Variants in PDLIM3 observed in about 807,000 individuals in gnomAD.
The protein encoded by PDLIM3 is PDZ and LIM domain 3, also known as PDZ and LIM domain protein 3.
PDLIM3 carries 36 observed loss-of-function variants against 37.3 expected under a neutral mutation model. That is an observed-to-expected ratio of 0.97 (90% confidence interval 0.74 to 1.28). The LOEUF (loss-of-function observed/expected upper bound fraction) is 1.28, where lower values mean the gene tolerates loss of function less well. PDLIM3 is among the 50% of genes most tolerant of loss of function. The pLI, the probability that PDLIM3 is intolerant of heterozygous loss-of-function variation, is 0.00. For synonymous variants in PDLIM3, 174 were observed against 182.4 expected (o/e 0.95, Z 0.37); for missense variants, 454 against 485.0 (o/e 0.94, Z 0.60).
At chr4:185,528,513 G>A (rs1580265801) in intron 1 of PDLIM3, among the ~76,000 whole-genome samples, 1 of 152,166 alleles carries the variant, frequency 6.6e-6, no homozygotes, top group Non-Finnish European at 1.5e-5. Flanking sequence ...CTTCTCACAC[G>A]TTTGACCATT....
In PDLIM3 at chr4:185,504,413, G is replaced by T; in HGVS notation, c.905+62C>A. ...TGCCTTTAGTCTATAAAGTCTTAAA[G>T]GAGAAGAAATGAACTGTCGCCAAGC... On this transcript the variant is annotated intron_variant, in intron 7 of 7. Coordinates refer to ENST00000284767, the MANE Select transcript of PDLIM3 (RefSeq NM_014476.6). The surrounding 1 kb of genome is among the most constrained non-coding windows in gnomAD (Gnocchi z 4.7). 1.5e-6 allele frequency: 2 copies of T among 1,367,516 alleles called. No homozygotes were observed. The highest frequency in any genetic ancestry group is 2.3e-5 in the East Asian group (1 of 42,910). The allele number at this position is 1,367,516 out of a possible 1,614,324, so 84.7% of individuals were successfully genotyped here.
chr4:185,502,257 G>A lies in PDLIM3; in HGVS notation c.*37C>T, dbSNP rs371829497. On this transcript the variant is annotated 3_prime_UTR_variant, in exon 8 of 8. Coordinates refer to ENST00000284767, the MANE Select transcript of PDLIM3 (RefSeq NM_014476.6). ...AATGTCTTCTCGTGTAAGTGCGCGT[G>A]GGTGGGTGCGTGCGTGCGTGCCACG... 1.3e-6 allele frequency: 2 copies of A among 1,598,170 alleles called. No individual in the cohort carries two copies. The highest frequency in any genetic ancestry group is 2.7e-5 in the African/African-American group (2 of 74,610).
chr4:185,506,452 T>TTTCATTCCCA lies in PDLIM3; in HGVS notation c.793+69_793+70insTGGGAATGAA, dbSNP rs2095697368. The TTTCATTCCCA allele has an allele frequency of 3.8e-6, 6 of 1,592,760 alleles. No individual in the cohort carries two copies. The African/African-American group carries it at 8.0e-5, about 21-fold the overall frequency. On this transcript the variant is annotated intron_variant, in intron 6 of 7. Transcript: ENST00000284767. ...AGACTTTCATTCCCAGTATGTTTGC[T>TTTCATTCCCA]GTCGTCCCCGTCCCGCCCCCTGCAG...
chr4:185,508,291 C>T lies in PDLIM3; in HGVS notation c.662+8G>A. ...AATATGCCCATGGTTCAAAGAGACT[C>T]ATATTACCTCATCAAAGGTGTTTCC... On this transcript the variant is annotated splice_region_variant and intron_variant, in intron 5 of 7. Coordinates refer to ENST00000284767, the MANE Select transcript of PDLIM3 (RefSeq NM_014476.6). 3 of 1,613,690 alleles carry T rather than the reference C, an allele frequency of 1.9e-6. No individual in the cohort carries two copies. The highest frequency in any genetic ancestry group is 2.5e-6 in the Non-Finnish European group (3 of 1,179,596).
At chr4:185,512,853 C>T in intron 4 of PDLIM3, 1 of 985,224 alleles carries the variant, frequency 1.0e-6, no homozygotes, top group Non-Finnish European at 1.2e-6. Context: ...GGTGGGGAAG[C>T]TGTTGAAAGT....
At position 185,514,390 on chromosome 4, in the gene PDLIM3, A is replaced by T; in HGVS notation, c.331-53T>A. ...CTCAGTGGAAGGCGGACACTGTTGCAGATAAGATTAAACGAACGATAGTTG... is the reference window on the plus strand; with the variant it reads ...CTCAGTGGAAGGCGGACACTGTTGCTGATAAGATTAAACGAACGATAGTTG... On this transcript the variant is annotated intron_variant, in intron 3 of 7. Coordinates refer to ENST00000284767, the MANE Select transcript of PDLIM3 (RefSeq NM_014476.6). The surrounding 1 kb of genome is among the most constrained non-coding windows in gnomAD (Gnocchi z 4.0). The T allele has an allele frequency of 6.2e-7, 1 of 1,614,122 alleles. No homozygotes were observed. The highest frequency in any genetic ancestry group is 1.1e-5 in the South Asian group (1 of 91,064).
intron 1 of PDLIM3, among the ~76,000 whole-genome samples, chr4:185,534,477 A>C (rs1291633723): frequency 6.6e-6 from 1 of 152,248 alleles, no homozygotes; most frequent in Non-Finnish European, 1.5e-5. Context: ...TGTTAGAAAA[A>C]AACCAGCTAG....
chr4:185,511,372 T>A (rs2095706290), intron 4 of PDLIM3, among the ~76,000 whole-genome samples: 2 of 149,886 alleles, frequency 1.3e-5, no homozygotes, highest in South Asian at 4.1e-4. Context: ...TTACTACTTT[T>A]TTTTTTTTTT....
At chr4:185,530,536 G>A (rs1033608923) in intron 1 of PDLIM3, among the ~76,000 whole-genome samples, 9 of 152,160 alleles carry the variant, frequency 5.9e-5, no homozygotes, top group African/African-American at 2.2e-4. Context: ...ACTGGCATCA[G>A]ATATAGACAA....
At chr4:185,503,221 C>CA (rs1426146190) in intron 7 of PDLIM3, among the ~76,000 whole-genome samples, 2 of 105,392 alleles carry the variant, frequency 1.9e-5, no homozygotes, top group African/African-American at 6.1e-5. Flanking sequence ...GAGACTGTCT[C>CA]AAAAACAACA....
chr4:185,508,311 G>A lies in PDLIM3; in HGVS notation c.650C>T (p.Thr217Ile), dbSNP rs2095701134. Residue 217 changes from threonine (T) to isoleucine (I), a missense_variant, in exon 5 of 8, where the codon ACA (threonine) becomes ATA (isoleucine). Thr to Ile is a moderately conservative substitution (Grantham distance 89). Transcript: ENST00000284767. ...QGQVSTALGE[T>I]PLMSEPTASV... ...AGACTCATATTACCTCATCAAAGGTGTTTCCCCTAGGGCTGTTGAAACCTG... is the reference window on the plus strand; with the variant it reads ...AGACTCATATTACCTCATCAAAGGTATTTCCCCTAGGGCTGTTGAAACCTG... The A allele has an allele frequency of 6.2e-6, 10 of 1,614,008 alleles. No individual in the cohort carries two copies. Among genetic ancestry groups the A allele is most frequent in the Non-Finnish European group, 7.6e-6 (9 of 1,179,982 alleles).
rs543892933 is a variant in PDLIM3 at position 185,506,927 on chromosome 4, G to T, written c.663-275C>A. 12 of 388,416 alleles carry T rather than the reference G, an allele frequency of 3.1e-5. No individual in the cohort carries two copies. The East Asian group carries it at 6.1e-4, about 20-fold the overall frequency. 24.1% of individuals were successfully genotyped at this position (388,416 alleles called of 1,614,324 possible). ...AAGGAAACTAAAAGATAATTGTCAG[G>T]AAATAGTAATTAAGAAGAACAAGAC... is the stretch of plus-strand genomic sequence containing the variant. On this transcript the variant is annotated intron_variant, in intron 5 of 7. Coordinates refer to ENST00000284767, the MANE Select transcript of PDLIM3 (RefSeq NM_014476.6).
At chr4:185,512,702 G>T in intron 4 of PDLIM3, 1 of 985,068 alleles carries the variant, frequency 1.0e-6, no homozygotes, top group Non-Finnish European at 1.2e-6. Context: ...GCTTGTGTGG[G>T]TGGACTCAGT....
At position 185,525,138 on chromosome 4, in the gene PDLIM3, G is replaced by T; in HGVS notation, c.127C>A (p.Leu43Met). Residue 43 changes from leucine (L) to methionine (M), a missense_variant, in exon 2 of 8, where the codon CTG becomes ATG. Leu to Met is a conservative substitution (Grantham distance 15, BLOSUM62 2). Coordinates refer to ENST00000284767, the MANE Select transcript of PDLIM3 (RefSeq NM_014476.6). ...GCCAGGATGACATCTCCAGGACACA[G>T]GTTGGCAGCTGCCGCCTTGCTTCCT... Reference protein sequence around the residue: ...TPGSKAAAANLCPGDVILAID... With the variant: ...TPGSKAAAANMCPGDVILAID... 2 of 1,614,204 alleles carry T rather than the reference G, an allele frequency of 1.2e-6. No individual in the cohort carries two copies. Among genetic ancestry groups the T allele is most frequent in the Non-Finnish European group, 1.7e-6 (2 of 1,180,016 alleles).
chr4:185,525,267 T>C, intron 1 of PDLIM3, 96 bp from the exon 2 acceptor site: 1 of 1,207,916 alleles, frequency 8.3e-7, no homozygotes, highest in Non-Finnish European at 1.2e-6. Context: ...ACATTTTAAA[T>C]GTTTAATTGG....
intron 5 of PDLIM3, 88 bp from the exon 6 acceptor site, chr4:185,506,740 A>G (rs550110554): frequency 8.1e-7 from 1 of 1,239,886 alleles, no homozygotes; most frequent in Non-Finnish European, 1.2e-6. Flanking sequence ...CTCAGCCATT[A>G]CTCTATGCAC....
chr4:185,530,989 T>TAC (rs374546592), intron 1 of PDLIM3, among the ~76,000 whole-genome samples: 11 of 21,700 alleles, frequency 5.1e-4, no homozygotes, highest in African/African-American at 2.2e-3. Flanking sequence ...CACACACACA[T>TAC]ACACACACAC....
chr4:185,502,276 T>G lies in PDLIM3; in HGVS notation c.*18A>C. 6.2e-7 allele frequency: 1 copy of G among 1,612,906 alleles called. No homozygotes were observed. The highest frequency in any genetic ancestry group is 8.5e-7 in the Non-Finnish European group (1 of 1,179,084). ...GCGCGTGGGTGGGTGCGTGCGTGCG[T>G]GCCACGCCTGCAGAGACTTAAGCTT... On this transcript the variant is annotated 3_prime_UTR_variant, in exon 8 of 8. Coordinates refer to ENST00000284767, the MANE Select transcript of PDLIM3 (RefSeq NM_014476.6).
intron 1 of PDLIM3, among the ~76,000 whole-genome samples, chr4:185,534,096 T>C (rs1290496347): frequency 3.9e-5 from 6 of 152,238 alleles, no homozygotes; most frequent in Admixed American, 6.5e-5. Context: ...ATGTTTCATA[T>C]AAAAACACGT....
Sources: gnomAD v4.1 joint callset for allele counts (sites outside exome capture counted in the v4.1 genomes callset) on GRCh38, gnomAD v4.1.1 for gene constraint, Gnocchi (gnomAD v3.1) non-coding constraint, MANE v1.5 for transcripts, NCBI Gene and HGNC (gene_info 2026-07-23, HGNC 2026-07-21) for gene names.